The following CAMKMT variants were observed in gnomAD, a reference collection of about 807,000 sequenced individuals.
The protein encoded by CAMKMT is CaM KMT.
Under a neutral mutation model 48.0 loss-of-function variants are expected in CAMKMT, and 53 were observed. The ratio of observed to expected loss-of-function variants is 1.10; its 90% confidence interval spans 0.89 to 1.39. CAMKMT has a LOEUF of 1.39. Among genes scored for constraint, CAMKMT ranks in the 40% most tolerant of loss-of-function variants. CAMKMT has a pLI of 0.00. For missense variants in CAMKMT, 428 were observed against 402.7 expected, an observed-to-expected ratio of 1.06 and a Z score of -0.54; for synonymous variants, 165 against 152.3, an observed-to-expected ratio of 1.08 and a Z score of -0.61.
intron 3 of CAMKMT, among the ~76,000 whole-genome samples, chr2:44,453,847 T>C (rs1479608941): frequency 6.6e-6 from 1 of 152,050 alleles, no homozygotes; most frequent in Non-Finnish European, 1.5e-5. Flanking sequence ...ATAAAACGAC[T>C]ATAAGATTAA....
At chr2:44,451,802 T>C (rs1558626167) in intron 3 of CAMKMT, among the ~76,000 whole-genome samples, 1 of 151,954 alleles carries the variant, frequency 6.6e-6, no homozygotes, top group Non-Finnish European at 1.5e-5. Context: ...CTCTGTAAAA[T>C]TTGCTTCTCT....
chr2:44,456,630 A>AT, intron 3 of CAMKMT: 1 of 1,547,374 alleles, frequency 6.5e-7, no homozygotes, highest in Non-Finnish European at 8.7e-7. Flanking sequence ...TTTTTGTTTA[A>AT]ATGGTAAATA....
chr2:44,477,681 T>C (rs1668758002), intron 3 of CAMKMT, among the ~76,000 whole-genome samples: 1 of 152,164 alleles, frequency 6.6e-6, no homozygotes, highest in African/African-American at 2.4e-5. Flanking sequence ...TTCTTAACTA[T>C]GAAAGGAATT....
intron 3 of CAMKMT, among the ~76,000 whole-genome samples, chr2:44,548,552 C>T (rs1488621698): frequency 1.3e-5 from 2 of 152,126 alleles, no homozygotes; most frequent in Admixed American, 6.6e-5. Context: ...AAGGATTTTG[C>T]AGATGTAGTT....
At chr2:44,443,608 A>G (rs542644846) in intron 3 of CAMKMT, among the ~76,000 whole-genome samples, 2 of 152,290 alleles carry the variant, frequency 1.3e-5, no homozygotes, top group African/African-American at 4.8e-5. Flanking sequence ...AGGTTTAGTC[A>G]CCACAGTTGA....
rs140035262 is a variant in CAMKMT at position 44,762,240 on chromosome 2, C to T, written c.763-4190C>T. The stretch of plus-strand genomic sequence containing the variant: ...CAGTGGCTCACATCTGTAATCCCAA[C>T]ACTTTGGGAGACCAAGGTGGGAGAA... On this transcript the variant is annotated intron_variant, in intron 9 of 10. Transcript: ENST00000378494. Among the ~76,000 whole-genome samples the T allele has an allele frequency of 7.4e-4, 112 of 152,326 alleles. 1 individual carries two copies. The highest frequency in any genetic ancestry group is 2.5e-3 in the African/African-American group (105 of 41,572).
At chr2:44,501,643 G>A (rs562368437) in intron 3 of CAMKMT, among the ~76,000 whole-genome samples, 3 of 152,078 alleles carry the variant, frequency 2.0e-5, no homozygotes, top group East Asian at 1.9e-4. Context: ...TAAAGGGCTC[G>A]GACAAATTGA....
intron 3 of CAMKMT, among the ~76,000 whole-genome samples, chr2:44,635,555 C>T (rs1032365404): frequency 6.6e-6 from 1 of 152,166 alleles, no homozygotes; most frequent in African/African-American, 2.4e-5. Flanking sequence ...GGTTCACGCA[C>T]CTTACTTTGT....
intron 3 of CAMKMT, among the ~76,000 whole-genome samples, chr2:44,684,058 T>C (rs942232189): frequency 1.3e-5 from 2 of 152,128 alleles, no homozygotes; most frequent in African/African-American, 4.8e-5. Context: ...AATACAACGT[T>C]CTGGGTTTGA....
chr2:44,637,412 T>C (rs1673194403), intron 3 of CAMKMT, among the ~76,000 whole-genome samples: 1 of 152,192 alleles, frequency 6.6e-6, no homozygotes, highest in South Asian at 2.1e-4. Flanking sequence ...TTTAGTTTTT[T>C]TATTATCCAT....
rs1425559043 is a variant in CAMKMT at position 44,507,057 on chromosome 2, A to G, written c.376+116752A>G. On this transcript the variant is annotated intron_variant, in intron 3 of 10. Coordinates refer to ENST00000378494, the MANE Select transcript of CAMKMT (RefSeq NM_024766.5). ...TATTTACCTGTTCATTTTGGAATTC[A>G]TAAAATTTGTGCAATCTTTTTTTTT... Among the ~76,000 whole-genome samples the G allele has an allele frequency of 2.9e-5, 4 of 136,162 alleles. 1 individual carries two copies. The highest frequency in any genetic ancestry group is 5.5e-5 in the African/African-American group (2 of 36,190). 89.3% of individuals were successfully genotyped at this position (136,162 alleles called of 152,430 possible).
chr2:44,536,668 A>T (rs186168053), intron 3 of CAMKMT, among the ~76,000 whole-genome samples: 2 of 152,088 alleles, frequency 1.3e-5, no homozygotes, highest in African/African-American at 4.8e-5. Flanking sequence ...AATAATCCCC[A>T]AATTTGTATG....
chr2:44,739,943 G>C (rs556240597), intron 7 of CAMKMT, among the ~76,000 whole-genome samples: 1 of 152,078 alleles, frequency 6.6e-6, no homozygotes, highest in African/African-American at 2.4e-5. Flanking sequence ...GCTAGAGCAC[G>C]TCCTAGAATA....
At chr2:44,517,306 G>T (rs191189413) in intron 3 of CAMKMT, among the ~76,000 whole-genome samples, 4 of 152,236 alleles carry the variant, frequency 2.6e-5, no homozygotes, top group Admixed American at 2.0e-4. Flanking sequence ...TGTCTAGAAA[G>T]AAGTCTTCAA....
At chr2:44,546,336 G>A (rs577205280) in intron 3 of CAMKMT, among the ~76,000 whole-genome samples, 4 of 152,132 alleles carry the variant, frequency 2.6e-5, no homozygotes, top group African/African-American at 7.2e-5. Context: ...ATTTTCTTCA[G>A]TGGTCACTTG....
At chr2:44,539,666 G>GAA (rs1215244224) in intron 3 of CAMKMT, among the ~76,000 whole-genome samples, 5 of 152,024 alleles carry the variant, frequency 3.3e-5, no homozygotes, top group Non-Finnish European at 5.9e-5. Context: ...CAGTTCCTCA[G>GAA]CCTTTCTTTG....
intron 3 of CAMKMT, among the ~76,000 whole-genome samples, chr2:44,506,232 G>A (rs532673064): frequency 1.3e-5 from 2 of 152,222 alleles, no homozygotes; most frequent in East Asian, 1.9e-4. Flanking sequence ...CTAAGTGGTA[G>A]GGGTATAAAA....
At chr2:44,383,354 G>A (rs1227309772) in intron 2 of CAMKMT, among the ~76,000 whole-genome samples, 1 of 151,910 alleles carries the variant, frequency 6.6e-6, no homozygotes, top group Non-Finnish European at 1.5e-5. Flanking sequence ...TATTAGAGAT[G>A]AGGTTTCACC....
intron 3 of CAMKMT, among the ~76,000 whole-genome samples, chr2:44,601,413 G>A (rs1349640345): frequency 1.3e-5 from 2 of 151,930 alleles, no homozygotes; most frequent in East Asian, 3.9e-4. Flanking sequence ...CCAAGATTGC[G>A]CCATTGCACT....
Sources: allele counts gnomAD v4.1 joint callset (sites outside exome capture counted in the v4.1 genomes callset), GRCh38; gene constraint gnomAD v4.1.1; transcripts MANE v1.5; gene names NCBI Gene and HGNC (gene_info 2026-07-23, HGNC 2026-07-21).